The following CPNE4 variants were observed in gnomAD, a reference collection of about 807,000 sequenced individuals.
CPNE4 encodes the protein copine-4.
In CPNE4, 25 loss-of-function variants were observed where a neutral mutation model predicts 67.9. The ratio of observed to expected loss-of-function variants is 0.37; its 90% CI spans 0.27 to 0.51. The LOEUF (loss-of-function observed/expected upper bound fraction) is 0.51. Ranked by LOEUF, CPNE4 falls within the 20% of genes least tolerant of loss-of-function variation. CPNE4 has a pLI of 0.93. For missense variants in CPNE4, 464 were observed against 690.8 expected, an observed-to-expected ratio of 0.67 and a Z score of 3.68; for synonymous variants, 242 against 244.9, an observed-to-expected ratio of 0.99 and a Z score of 0.11.
intron 14 of CPNE4, among the ~76,000 whole-genome samples, chr3:131,546,235 G>C (rs1935828085): frequency 6.6e-6 from 1 of 152,152 alleles, no homozygotes; most frequent in Non-Finnish European, 1.5e-5. Flanking sequence ...TCTAGCTAAA[G>C]GCACTAGGCT....
intron 2 of CPNE4, among the ~76,000 whole-genome samples, chr3:131,851,645 T>C (rs1256238044): frequency 6.6e-6 from 1 of 152,024 alleles, no homozygotes; most frequent in Non-Finnish European, 1.5e-5. Context: ...ACAATTTTAA[T>C]AAGCCTCCAA....
At chr3:131,883,807 G>C (rs1244362966) in intron 2 of CPNE4, among the ~76,000 whole-genome samples, 1 of 152,216 alleles carries the variant, frequency 6.6e-6, no homozygotes, top group Non-Finnish European at 1.5e-5. Context: ...ATGTTGCACA[G>C]AAGATCTCTA....
intron 7 of CPNE4, among the ~76,000 whole-genome samples, chr3:131,632,307 G>A (rs762505336): frequency 5.9e-5 from 9 of 151,932 alleles, no homozygotes; most frequent in Admixed American, 1.3e-4. Context: ...ACTGTGCTCC[G>A]CCTCATTATT....
chr3:131,931,129 C>T (rs1294692155), intron 1 of CPNE4, among the ~76,000 whole-genome samples: 3 of 152,026 alleles, frequency 2.0e-5, no homozygotes, highest in African/African-American at 7.2e-5. Flanking sequence ...GGGAAGTTTC[C>T]GTTATGGTAG....
At chr3:131,936,762 C>T (rs2107843862) in intron 1 of CPNE4, among the ~76,000 whole-genome samples, 1 of 152,068 alleles carries the variant, frequency 6.6e-6, no homozygotes, top group Non-Finnish European at 1.5e-5. Flanking sequence ...AAACCATCCC[C>T]CTTGTCTTCT....
At chr3:131,674,069 G>A (rs114942196) in intron 6 of CPNE4, among the ~76,000 whole-genome samples, 2,915 of 152,026 alleles carry the variant, frequency 0.019, 66 homozygotes, top group African/African-American at 0.052. Context: ...TAATTGAAAT[G>A]AGCATATGAT....
chr3:131,770,849 C>T lies in CPNE4; in HGVS notation c.181-47224G>A, dbSNP rs542506613. On this transcript the variant is annotated intron_variant, in intron 2 of 15. Transcript: ENST00000429747. ...CATGACTTGGATCCCTGAATCTAAA[C>T]TTCTAAAGACTTCACATCACTCAAA... Among the ~76,000 whole-genome samples, 5 of 152,318 alleles carry T rather than the reference C, an allele frequency of 3.3e-5. No homozygotes were observed. The East Asian group carries it at 9.6e-4, about 29-fold the overall frequency.
intron 2 of CPNE4, among the ~76,000 whole-genome samples, chr3:131,771,203 C>G (rs1236499182): frequency 1.3e-5 from 2 of 152,060 alleles, no homozygotes; most frequent in African/African-American, 4.8e-5. Context: ...GTTGAAGAAA[C>G]AATAAAAAAT....
chr3:132,029,162 G>A (rs2074184110), intron 1 of CPNE4, among the ~76,000 whole-genome samples: 2 of 152,060 alleles, frequency 1.3e-5, no homozygotes, highest in African/African-American at 4.8e-5. Flanking sequence ...GAGTTCTTCT[G>A]ATAACAGGCC....
intron 15 of CPNE4, 27 bp downstream of exon 15, chr3:131,542,530 A>G (rs1306202328): frequency 6.7e-7 from 1 of 1,501,288 alleles, no homozygotes; most frequent in Non-Finnish European, 9.3e-7. Context: ...TCTTCCATGA[A>G]AAGTGCCCCA....
intron 2 of CPNE4, among the ~76,000 whole-genome samples, chr3:131,744,412 A>G (rs2082436048): frequency 6.6e-6 from 1 of 152,180 alleles, no homozygotes; most frequent in African/African-American, 2.4e-5. Flanking sequence ...TTCACATTCA[A>G]TTGTAAGAAA....
intron 2 of CPNE4, among the ~76,000 whole-genome samples, chr3:131,858,119 T>C (rs2086523735): frequency 2.0e-5 from 3 of 152,142 alleles, no homozygotes; most frequent in African/African-American, 7.2e-5. Flanking sequence ...TTCAAACTTC[T>C]CTCAAAGTCT....
At chr3:131,753,474 A>G (rs762510950) in intron 2 of CPNE4, among the ~76,000 whole-genome samples, 5 of 152,192 alleles carry the variant, frequency 3.3e-5, no homozygotes, top group Non-Finnish European at 5.9e-5. Flanking sequence ...CTCATAATGA[A>G]AGTCGACAGA....
intron 2 of CPNE4, among the ~76,000 whole-genome samples, chr3:131,863,763 G>A (rs1447773867): frequency 6.6e-6 from 1 of 152,186 alleles, no homozygotes; most frequent in Non-Finnish European, 1.5e-5. Flanking sequence ...TGGTGTTTTA[G>A]ACATGAAGTC....
intron 15 of CPNE4, among the ~76,000 whole-genome samples, chr3:131,541,975 A>G (rs1351074260): frequency 2.0e-5 from 3 of 152,070 alleles, no homozygotes; most frequent in African/African-American, 4.8e-5. Context: ...CCAGCCTTAT[A>G]TACTCTTTTG....
chr3:132,016,927 T>A (rs2073901182), intron 1 of CPNE4, among the ~76,000 whole-genome samples: 1 of 152,188 alleles, frequency 6.6e-6, no homozygotes, highest in Non-Finnish European at 1.5e-5. Flanking sequence ...TTAACCTTCC[T>A]CAGAGTGAAG....
intron 2 of CPNE4, among the ~76,000 whole-genome samples, chr3:131,884,808 T>A (rs939963088): frequency 2.0e-5 from 3 of 152,200 alleles, no homozygotes; most frequent in African/African-American, 7.2e-5. Context: ...CCTGCTGCTA[T>A]CCATGTAAGA....
intron 2 of CPNE4, among the ~76,000 whole-genome samples, chr3:131,737,409 A>G (rs923570421): frequency 2.0e-5 from 3 of 152,052 alleles, no homozygotes; most frequent in Non-Finnish European, 4.4e-5. Flanking sequence ...CTCACTTGTC[A>G]TTAATTATGT....
intron 7 of CPNE4, among the ~76,000 whole-genome samples, chr3:131,603,454 G>A (rs1559968241): frequency 6.6e-6 from 1 of 152,154 alleles, no homozygotes; most frequent in Non-Finnish European, 1.5e-5. Context: ...GATTTTTTAT[G>A]CAAGAATCTT....
Sources: allele counts gnomAD v4.1 joint callset (sites outside exome capture counted in the v4.1 genomes callset), GRCh38; gene constraint gnomAD v4.1.1; transcripts MANE v1.5; gene names NCBI Gene and HGNC (gene_info 2026-07-23, HGNC 2026-07-21).